Variants in STAC3 observed in about 807,000 individuals in gnomAD.
STAC3 encodes SH3 and cysteine rich domain 3.
STAC3 carries 30 observed loss-of-function variants against 48.5 expected under a neutral mutation model. The observed-to-expected ratio is 0.62, with a 90% CI of 0.46 to 0.84. The LOEUF (loss-of-function observed/expected upper bound fraction) is 0.84. Among genes scored for constraint, STAC3 ranks in the 40% least tolerant of loss-of-function variants. The pLI is 0.00. For missense variants in STAC3, 419 were observed against 462.6 expected (o/e 0.91, Z 0.86); for synonymous variants, 144 against 158.6 (o/e 0.91, Z 0.69).
chr12:57,250,707 G>A (rs1217500738), intron 1 of STAC3, among the ~76,000 whole-genome samples: 1 of 152,026 alleles, frequency 6.6e-6, no homozygotes, highest in Non-Finnish European at 1.5e-5. Context: ...TTGAGCCCTG[G>A]GGGCCCTGTG....
intron 4 of STAC3, chr12:57,248,471 C>A (rs1010569547): frequency 5.1e-6 from 3 of 584,528 alleles, no homozygotes; most frequent in Non-Finnish European, 9.2e-6. Flanking sequence ...CTCCGCCTCC[C>A]GAGTTTACGC....
rs115276341 is a variant in STAC3 at position 57,244,331 on chromosome 12, T to C, written c.842A>G (p.Asn281Ser). 1,632 of 1,614,140 alleles carry C rather than the reference T, an allele frequency of 1.0e-3. 7 individuals carry two copies. In the African/African-American group the frequency reaches 0.014, roughly 14 times the overall value. ...TTCTCTCACCCGCCACCATTCTTCA[T>C]TGGAGTCATCAATGACTGTGATCTT... is the stretch of plus-strand genomic sequence containing the variant. ...GEKITVIDDS[N>S]EEWWRGKIGE... The change falls in exon 10 of 12, where the codon AAT becomes AGT. Residue 281 changes from asparagine to serine, a missense_variant. By Grantham distance (46) the Asn-to-Ser change is conservative. Transcript: ENST00000332782.
At chr12:57,249,342 A>G in intron 2 of STAC3, 34 bp from the exon 3 acceptor site, 1 of 1,545,718 alleles carries the variant, frequency 6.5e-7, no homozygotes, top group Non-Finnish European at 8.7e-7. Context: ...CCAATGTTAA[A>G]AGGACTTGTC....
At chr12:57,250,921 CTGAGTAGA>C (rs897128657) in intron 1 of STAC3, 64 bp downstream of exon 1, 2 of 176,856 alleles carry the variant, frequency 1.1e-5, no homozygotes, top group Non-Finnish European at 1.2e-5. Context: ...AATGAAGAAG[CTGAGTAGA>C]TTATAGATCA....
intron 4 of STAC3, 128 bp from the exon 5 acceptor site, chr12:57,248,326 T>A: frequency 1.3e-6 from 1 of 790,352 alleles, no homozygotes; most frequent in Non-Finnish European, 2.2e-6. Context: ...GAGAAATGAA[T>A]GGGATGGAGG....
At chr12:57,247,425 ATTATTTTTTTT>A (rs1368936934) in intron 5 of STAC3, among the ~76,000 whole-genome samples, 748 of 58,900 alleles carry the variant, frequency 0.013, 4 homozygotes, top group East Asian at 0.036. Context: ...TATTATTATT[ATTATTTTTTTT>A]TTTTTTTTTT....
At chr12:57,248,078 C>A in intron 5 of STAC3, 48 bp downstream of exon 5, 1 of 1,534,690 alleles carries the variant, frequency 6.5e-7, no homozygotes, top group African/African-American at 1.4e-5. Context: ...TGGCATGAAA[C>A]CATCTCTAGG....
chr12:57,248,981 C>T, intron 3 of STAC3, 60 bp downstream of exon 3: 1 of 1,562,046 alleles, frequency 6.4e-7, no homozygotes, highest in East Asian at 2.2e-5. Context: ...CTCTCCTATG[C>T]CCTCTCCCCA....
rs567242350 is a variant in STAC3, at chr12:57,247,029, C to T, written c.506-128G>A. On this transcript the variant is annotated intron_variant, in intron 5 of 11. Coordinates refer to ENST00000332782, the MANE Select transcript of STAC3 (RefSeq NM_145064.3). ...GTGTTGGGTGGCGGTGGGGGCGCCGCGGGGAAGATTAGGGAAGGGTCAGCT... is the reference window on the plus strand; with the variant it reads ...GTGTTGGGTGGCGGTGGGGGCGCCGTGGGGAAGATTAGGGAAGGGTCAGCT... 1.9e-4 allele frequency: 157 copies of T among 821,752 alleles called. 2 individuals are homozygous for T. In the Admixed American group the frequency reaches 3.0e-3, roughly 15 times the overall value. The allele number at this position is 821,752 out of a possible 1,614,324, so 50.9% of individuals were successfully genotyped here. A position where few individuals can be genotyped will look rare whatever the true frequency, so the allele number is the denominator to read the frequency against.
chr12:57,245,087 T>C (rs2037702601), intron 7 of STAC3, 58 bp downstream of exon 7: 1 of 1,608,872 alleles, frequency 6.2e-7, no homozygotes, highest in East Asian at 2.2e-5. Context: ...CCACCCTCTG[T>C]TCCACAGCTG....
intron 6 of STAC3, among the ~76,000 whole-genome samples, chr12:57,245,927 T>C (rs2037728972): frequency 6.6e-6 from 1 of 151,834 alleles, no homozygotes; most frequent in African/African-American, 2.4e-5. Flanking sequence ...CTGACCAACA[T>C]GGAGAAATCT....
chr12:57,246,778 A>T (rs766630635), intron 6 of STAC3, 26 bp downstream of exon 6: 3 of 1,595,876 alleles, frequency 1.9e-6, no homozygotes, highest in Admixed American at 3.3e-5. Flanking sequence ...TCTGGGAGGG[A>T]CCTCGTGGGG....
At position 57,250,356 on chromosome 12, in the gene STAC3, C is replaced by G. The variant is rs187179777; in HGVS notation, c.-2+637G>C. 5.9e-4 allele frequency among the ~76,000 whole-genome samples: 87 copies of G among 146,516 alleles called. 1 individual carries two copies. In the East Asian group the frequency reaches 0.015, roughly 25 times the overall value. ...AGTGAGCCGGGATTGTGCCACTGCC[C>G]TCCAGCCTGGGTGACAGAGCAAGAC... On this transcript the variant is annotated intron_variant, in intron 1 of 11. Transcript: ENST00000332782.
chr12:57,249,673 C>T (rs1031538986), intron 1 of STAC3, 36 bp from the exon 2 acceptor site: 1 of 1,609,346 alleles, frequency 6.2e-7, no homozygotes, highest in African/African-American at 1.3e-5. Flanking sequence ...AAATCTAATC[C>T]CTTTCATTCT....
chr12:57,248,878 G>C, intron 3 of STAC3, 75 bp from the exon 4 acceptor site: 1 of 1,530,212 alleles, frequency 6.5e-7, no homozygotes, highest in South Asian at 1.1e-5. Flanking sequence ...GCTACTCTTA[G>C]GTTTCCTTTT....
At chr12:57,248,381 T>TC in intron 4 of STAC3, 183 bp from the exon 5 acceptor site, 1 of 480,474 alleles carries the variant, frequency 2.1e-6, no homozygotes, top group East Asian at 3.5e-5. Context: ...TCCCCTCTTT[T>TC]TTTTTTTTTT....
At position 57,243,682 on chromosome 12, in the gene STAC3, G is replaced by A. The variant is rs781732443; in HGVS notation, c.*130C>T. The A allele has an allele frequency of 4.7e-6, 4 of 856,664 alleles. No homozygotes were observed. The highest frequency in any genetic ancestry group is 1.7e-5 in the African/African-American group (1 of 60,136). The allele number at this position is 856,664 out of a possible 1,614,324, so 53.1% of individuals were successfully genotyped here. ...GAACCAGTCCCTTCCCGGAAGCCCC[G>A]TCGCGCTCAGGCGGGCCTTCCTACC... is the stretch of plus-strand genomic sequence containing the variant. On this transcript the variant is annotated 3_prime_UTR_variant, in exon 12 of 12. Transcript: ENST00000332782.
chr12:57,245,498 G>A (rs1472999802), intron 6 of STAC3, among the ~76,000 whole-genome samples: 5 of 151,964 alleles, frequency 3.3e-5, no homozygotes, highest in Non-Finnish European at 5.9e-5. Flanking sequence ...AGCCTCCTGA[G>A]TAGCTGGGAC....
intron 5 of STAC3, among the ~76,000 whole-genome samples, chr12:57,247,777 C>T (rs978183639): frequency 5.9e-5 from 9 of 152,096 alleles, no homozygotes; most frequent in Admixed American, 2.6e-4. Context: ...GGGTCTTGCC[C>T]CGAGTCTGAT....
Sources: allele counts gnomAD v4.1 joint callset (sites outside exome capture counted in the v4.1 genomes callset), GRCh38; gene constraint gnomAD v4.1.1; transcripts MANE v1.5; gene names NCBI Gene and HGNC (gene_info 2026-07-23, HGNC 2026-07-21).